ATP2B4: variants seen among roughly 807,000 people sequenced by gnomAD.
ATP2B4 encodes the protein plasma membrane calcium-transporting ATPase 4.
ATP2B4 carries 39 observed loss-of-function variants against 110.3 expected under a neutral mutation model. That is an observed-to-expected ratio of 0.35 (90% CI 0.27 to 0.46). The LOEUF is 0.46. ATP2B4 is among the 20% of genes least tolerant of loss of function. The probability of loss-of-function intolerance (pLI) is 1.00; values close to 1 mark genes in which losing one functional copy is unlikely to be tolerated. For missense variants in ATP2B4, 1,135 were observed against 1,530.9 expected (o/e 0.74, Z 4.32); for synonymous variants, 538 against 571.7 (o/e 0.94, Z 0.84).
At chr1:203,676,550 C>T (rs1235446665) in intron 1 of ATP2B4, among the ~76,000 whole-genome samples, 3 of 152,088 alleles carry the variant, frequency 2.0e-5, no homozygotes, top group Admixed American at 6.5e-5. Flanking sequence ...CCTTTGGAAG[C>T]GTAAGAGTGC....
Position 203,629,006 on chromosome 1 carries a change from T to C in ATP2B4, c.-465+1787T>C, listed in dbSNP as rs181369524. The stretch of plus-strand genomic sequence containing the variant: ...ATCAGGCTGGGGGAGAGGAAACACC[T>C]GCCTTCAGCCCCAGGGCTTGGAGGA... On this transcript the variant is annotated intron_variant, in intron 1 of 20. Transcript: ENST00000357681. This position sits in a 1 kb window ranked among gnomAD's most constrained non-coding sequence, Gnocchi z 4.6. 6.6e-6 allele frequency among the ~76,000 whole-genome samples: 1 copy of C among 152,222 alleles called. No homozygotes were observed. Among genetic ancestry groups the C allele is most frequent in the Non-Finnish European group, 1.5e-5 (1 of 68,012 alleles).
chr1:203,725,884 TTTTTCTTTTC>T (rs1202251238), intron 19 of ATP2B4, among the ~76,000 whole-genome samples: 2 of 145,080 alleles, frequency 1.4e-5, no homozygotes, highest in Non-Finnish European at 3.0e-5. Context: ...GAATAATTTC[TTTTTCTTTTC>T]TTTTCTTTTC....
intron 1 of ATP2B4, chr1:203,657,570 A>G: frequency 1.1e-6 from 1 of 912,876 alleles, no homozygotes; most frequent in South Asian, 1.3e-5. Flanking sequence ...TTTCATTTGT[A>G]TTTTCTCAGC....
intron 19 of ATP2B4, among the ~76,000 whole-genome samples, chr1:203,725,302 C>T (rs184606898): frequency 2.0e-4 from 30 of 152,154 alleles, no homozygotes; most frequent in African/African-American, 6.0e-4. Flanking sequence ...CACCCACCAC[C>T]GCGCCCAGCT....
At chr1:203,676,934 T>C (rs2102352608) in intron 1 of ATP2B4, among the ~76,000 whole-genome samples, 1 of 152,326 alleles carries the variant, frequency 6.6e-6, no homozygotes, top group East Asian at 1.9e-4. Flanking sequence ...CTGACCTATT[T>C]CAGTGCCTTT....
At chr1:203,670,637 A>G (rs1261730798) in intron 1 of ATP2B4, among the ~76,000 whole-genome samples, 1 of 152,154 alleles carries the variant, frequency 6.6e-6, no homozygotes, top group Non-Finnish European at 1.5e-5. Flanking sequence ...CCCACCCTAT[A>G]GGAACTAGGA....
At chr1:203,682,567 C>A (rs1020672359) in intron 1 of ATP2B4, among the ~76,000 whole-genome samples, 175 bp from the exon 2 acceptor site, 1 of 144,800 alleles carries the variant, frequency 6.9e-6, no homozygotes, top group African/African-American at 2.5e-5. Context: ...CAGGAAGGAA[C>A]GGGCCTCTCT....
At position 203,739,605 on chromosome 1, in the gene ATP2B4, C is replaced by T; in HGVS notation, c.3369C>T (p.Asn1123=). 1 of 1,614,102 alleles carries T rather than the reference C, an allele frequency of 6.2e-7. No individual in the cohort carries two copies. The highest frequency in any genetic ancestry group is 8.5e-7 in the Non-Finnish European group (1 of 1,180,026). The change falls in exon 21 of 21, where the codon AAC becomes AAT. Residue 1123 remains asparagine, a synonymous_variant. Transcript: ENST00000357681. ...ACGAAAGCATTCAGAAACCCTACAA[C>T]CAAAAGTCCATCCACAGCTTCATGA... The part of the protein sequence containing the change: ...SLHESIQKPY[N]QKSIHSFMTH...
rs78358827 is a variant in ATP2B4, at chr1:203,698,432, G to A, written c.391+78G>A. 2,394 of 1,482,794 alleles carry A rather than the reference G, an allele frequency of 1.6e-3. 23 individuals are homozygous for A. In the East Asian group the frequency reaches 0.025, roughly 16 times the overall value. The allele number at this position is 1,482,794 out of a possible 1,614,324, so 91.9% of individuals were successfully genotyped here. ...CACCACCAAGCGCTTAGTATTGGTGGCTGACAGGTTATAGCTTAAAACATT... is the reference window on the plus strand; with the variant it reads ...CACCACCAAGCGCTTAGTATTGGTGACTGACAGGTTATAGCTTAAAACATT... On this transcript the variant is annotated intron_variant, in intron 3 of 20. Coordinates refer to ENST00000357681, the MANE Select transcript of ATP2B4 (RefSeq NM_001684.5).
rs956265656 is a variant in ATP2B4, at chr1:203,742,711, T to C, written c.*2857T>C. ...TAGTCATTAGGATCAGGGGCCTCTG[T>C]TGGATTTGTGTTTCTTGAAGAATAG... On this transcript the variant is annotated 3_prime_UTR_variant, in exon 21 of 21. Coordinates refer to ENST00000357681, the MANE Select transcript of ATP2B4 (RefSeq NM_001684.5). The C allele has an allele frequency of 6.6e-6, 1 of 152,178 alleles. No homozygotes were observed. The highest frequency in any genetic ancestry group is 2.4e-5 in the African/African-American group (1 of 41,430). 9.4% of individuals were successfully genotyped at this position (152,178 alleles called of 1,614,324 possible).
chr1:203,699,826 C>T, intron 4 of ATP2B4, 109 bp downstream of exon 4: 5 of 1,506,968 alleles, frequency 3.3e-6, no homozygotes, highest in Non-Finnish European at 3.6e-6. Flanking sequence ...AAGATAAGAT[C>T]CAAAATTGTA....
chr1:203,708,116 C>T lies in ATP2B4; in HGVS notation c.1557+12C>T. ...CCTCCAAGATTCTGGTAAGCATTTC[C>T]TTTGCGTAGACACTTAGAGTGGGTG... On this transcript the variant is annotated intron_variant, in intron 10 of 20. Coordinates refer to ENST00000357681, the MANE Select transcript of ATP2B4 (RefSeq NM_001684.5). The T allele has an allele frequency of 6.2e-7, 1 of 1,614,068 alleles. No individual in the cohort carries two copies. Among genetic ancestry groups the T allele is most frequent in the Non-Finnish European group, 8.5e-7 (1 of 1,179,928 alleles).
At chr1:203,675,458 C>G (rs1664800792) in intron 1 of ATP2B4, among the ~76,000 whole-genome samples, 1 of 152,154 alleles carries the variant, frequency 6.6e-6, no homozygotes, top group Non-Finnish European at 1.5e-5. Context: ...CACATGCCCC[C>G]TCCAGGCCCT....
intron 1 of ATP2B4, among the ~76,000 whole-genome samples, chr1:203,635,869 G>A (rs1329128250): frequency 6.6e-6 from 1 of 152,200 alleles, no homozygotes; most frequent in East Asian, 1.9e-4. Flanking sequence ...TCCCCATGGA[G>A]CACACAGAGG....
In ATP2B4 at chr1:203,682,404, G is replaced by A. The variant is rs190127253; in HGVS notation, c.-464-338G>A. Among the ~76,000 whole-genome samples the A allele has an allele frequency of 7.1e-3, 1,087 of 152,268 alleles. 7 individuals are homozygous for A. The highest frequency in any genetic ancestry group is 8.8e-3 in the Non-Finnish European group (602 of 68,026). The stretch of plus-strand genomic sequence containing the variant: ...GTCACAGGTCCCTCAAATAGACAGG[G>A]AAAACATTAGAGCCATCAGAGGTCG... On this transcript the variant is annotated intron_variant, in intron 1 of 20. Coordinates refer to ENST00000357681, the MANE Select transcript of ATP2B4 (RefSeq NM_001684.5).
intron 20 of ATP2B4, among the ~76,000 whole-genome samples, chr1:203,728,652 G>C (rs1266383309): frequency 6.6e-6 from 1 of 151,456 alleles, no homozygotes; most frequent in Non-Finnish European, 1.5e-5. Context: ...GAGGTCGGGA[G>C]TTCAAGACCA....
chr1:203,707,331 G>T (rs960673947), intron 9 of ATP2B4, 108 bp downstream of exon 9: 2 of 1,123,512 alleles, frequency 1.8e-6, no homozygotes, highest in Non-Finnish European at 2.5e-6. Context: ...ATAAACTTTG[G>T]CTGGTGCCTC....
intron 1 of ATP2B4, among the ~76,000 whole-genome samples, chr1:203,667,718 C>T (rs139032331): frequency 1.3e-5 from 2 of 152,278 alleles, no homozygotes; most frequent in East Asian, 1.9e-4. Context: ...GGACTTCCCC[C>T]GCATGAAGGC....
intron 1 of ATP2B4, among the ~76,000 whole-genome samples, chr1:203,628,659 C>A (rs1571655293): frequency 6.6e-6 from 1 of 152,118 alleles, no homozygotes; most frequent in African/African-American, 2.4e-5. Context: ...CCAAGCTGCC[C>A]CTTCTCCACG....
Sources: gnomAD v4.1 joint callset for allele counts (sites outside exome capture counted in the v4.1 genomes callset) on GRCh38, gnomAD v4.1.1 for gene constraint, Gnocchi (gnomAD v3.1) non-coding constraint, MANE v1.5 for transcripts, NCBI Gene and HGNC (gene_info 2026-07-23, HGNC 2026-07-21) for gene names.